The following ANKS1B variants were observed in gnomAD, a reference collection of about 807,000 sequenced individuals.
ANKS1B encodes the protein ankyrin repeat and sterile alpha motif domain-containing protein 1B.
In ANKS1B, 36 loss-of-function variants were observed where a neutral mutation model predicts 148.3. That is an observed-to-expected ratio of 0.24 (90% CI 0.19 to 0.32). The LOEUF (loss-of-function observed/expected upper bound fraction) is 0.32, where lower values mean the gene tolerates loss of function less well. ANKS1B is among the 10% of genes least tolerant of loss of function. The pLI, the probability that ANKS1B is intolerant of heterozygous loss-of-function variation, is 1.00. For missense variants in ANKS1B, 1,157 were observed against 1,542.6 expected, an observed-to-expected ratio of 0.75 and a Z score of 4.19; for synonymous variants, 542 against 560.8, an observed-to-expected ratio of 0.97 and a Z score of 0.47.
chr12:99,909,998 C>A (rs1411355940), intron 1 of ANKS1B, among the ~76,000 whole-genome samples: 1 of 152,016 alleles, frequency 6.6e-6, no homozygotes, highest in African/African-American at 2.4e-5. Context: ...TATTCCATTC[C>A]AAACACAGCA....
intron 12 of ANKS1B, among the ~76,000 whole-genome samples, chr12:99,319,000 T>C (rs1377094890): frequency 1.3e-5 from 2 of 152,262 alleles, no homozygotes; most frequent in Admixed American, 6.5e-5. Context: ...TTTCTTAATC[T>C]TGAGTTCTAG....
At chr12:98,802,594 C>CTTGTTTTTTTTTTT (rs2099013374) in intron 20 of ANKS1B, among the ~76,000 whole-genome samples, 1 of 34,758 alleles carries the variant, frequency 2.9e-5, no homozygotes, top group East Asian at 1.2e-3. Context: ...AATGCACAGG[C>CTTGTTTTTTTTTTT]TTTTTTTTTT....
intron 14 of ANKS1B, among the ~76,000 whole-genome samples, chr12:99,232,021 G>A (rs2086944463): frequency 6.6e-6 from 1 of 152,078 alleles, no homozygotes. Context: ...GCTGCGGTGA[G>A]GGACTCTGAA....
At chr12:99,274,767 T>C (rs189772323) in intron 12 of ANKS1B, among the ~76,000 whole-genome samples, 1 of 152,226 alleles carries the variant, frequency 6.6e-6, no homozygotes, top group Non-Finnish European at 1.5e-5. Flanking sequence ...TATTGTTACA[T>C]AAAATAGTAT....
downstream of ANKS1B, among the ~76,000 whole-genome samples, chr12:98,743,380 A>AATT (rs1324250297): frequency 1.3e-5 from 2 of 152,242 alleles, no homozygotes; most frequent in Non-Finnish European, 2.9e-5. Flanking sequence ...AATAAGAAAC[A>AATT]ATTAAATGGA....
At chr12:99,668,933 CTTTA>C (rs1234300209) in intron 8 of ANKS1B, among the ~76,000 whole-genome samples, 3 of 152,088 alleles carry the variant, frequency 2.0e-5, no homozygotes, top group Admixed American at 6.6e-5. Context: ...ATTGCATCTA[CTTTA>C]TTTTTCATTT....
Position 99,214,233 on chromosome 12 carries a change from A to C in ANKS1B, c.2419+30109T>G, listed in dbSNP as rs577696826. Among the ~76,000 whole-genome samples the C allele has an allele frequency of 7.9e-5, 12 of 152,344 alleles. No homozygotes were observed. In the South Asian group the frequency reaches 1.9e-3, roughly 24 times the overall value. Reference sequence around the variant, plus strand: ...ATGTTTTCCTCTGATGTAGTTTAAAAAAAGTTTAAGCGTACATGGGAAATA... The same window carrying C: ...ATGTTTTCCTCTGATGTAGTTTAAACAAAGTTTAAGCGTACATGGGAAATA... On this transcript the variant is annotated intron_variant, in intron 14 of 26. Transcript: ENST00000683438.
intron 14 of ANKS1B, among the ~76,000 whole-genome samples, chr12:99,158,436 T>C (rs2076301406): frequency 6.6e-6 from 1 of 152,136 alleles, no homozygotes; most frequent in Admixed American, 6.6e-5. Context: ...GCTCAGAGTA[T>C]GTGGTGAAAA....
chr12:99,628,752 G>A (rs952714717), intron 9 of ANKS1B, among the ~76,000 whole-genome samples: 36 of 152,090 alleles, frequency 2.4e-4, no homozygotes, highest in African/African-American at 8.4e-4. Context: ...ATCCCATGGT[G>A]GAAAGCATCA....
rs543909130 is a variant in ANKS1B at position 98,898,267 on chromosome 12, A to T, written c.2779-66131T>A. On this transcript the variant is annotated intron_variant, in intron 17 of 26. Coordinates refer to ENST00000683438, the MANE Select transcript of ANKS1B (RefSeq NM_001352186.2). ...TTACAGTCTGGAAATTAACTTCATC[A>T]TGGCACTAATGAAATTTGGTGATAT... 2.3e-3 allele frequency among the ~76,000 whole-genome samples: 355 copies of T among 152,368 alleles called. 1 individual carries two copies. The highest frequency in any genetic ancestry group is 3.9e-3 in the Non-Finnish European group (263 of 68,034).
intron 8 of ANKS1B, among the ~76,000 whole-genome samples, chr12:99,730,920 T>C (rs1486069532): frequency 6.6e-6 from 1 of 152,118 alleles, no homozygotes; most frequent in African/African-American, 2.4e-5. Context: ...GTTTTTGTTT[T>C]TGTTTTGTTT....
chr12:99,773,031 T>C lies in ANKS1B; in HGVS notation c.1019A>G (p.Glu340Gly), dbSNP rs764566084. ...CAAGTCTTCAAACGAATAATCCTTT[T>C]CTTGACAGAGTTTTATTTCATCCAA... is the stretch of plus-strand genomic sequence containing the variant. ...KLLDEIKLCQ[E>G]KDYSFEDLCH... Residue 340 changes from glutamate (E) to glycine (G), a missense_variant, in exon 8 of 27, where the codon GAA becomes GGA. Physicochemically the swap from Glu to Gly is moderately conservative, Grantham distance 98 (BLOSUM62 -2). Around this residue, in one of 6 missense-constraint regions of ANKS1B, gnomAD observed 661 missense variants for 642.1 expected, o/e 1.03. Coordinates refer to ENST00000683438, the MANE Select transcript of ANKS1B (RefSeq NM_001352186.2). 18 of 1,611,606 alleles carry C rather than the reference T, an allele frequency of 1.1e-5. No individual in the cohort carries two copies. In the South Asian group the frequency reaches 1.9e-4, roughly 17 times the overall value.
intron 9 of ANKS1B, among the ~76,000 whole-genome samples, chr12:99,558,068 C>T (rs150733818): frequency 7.2e-5 from 11 of 152,278 alleles, no homozygotes; most frequent in African/African-American, 9.6e-5. Context: ...CTAGCCACAA[C>T]GCTACAATGG....
intron 3 of ANKS1B, among the ~76,000 whole-genome samples, chr12:99,811,498 C>T (rs1565774264): frequency 6.6e-6 from 1 of 151,764 alleles, no homozygotes; most frequent in East Asian, 1.9e-4. Flanking sequence ...ATCTGTGGTC[C>T]TATCTGTTTA....
chr12:99,601,535 A>G (rs1392108287), intron 9 of ANKS1B, among the ~76,000 whole-genome samples: 1 of 152,084 alleles, frequency 6.6e-6, no homozygotes, highest in African/African-American at 2.4e-5. Context: ...CTTTACACAA[A>G]AAATAATGCA....
At chr12:98,907,826 G>T (rs1011505402) in intron 17 of ANKS1B, among the ~76,000 whole-genome samples, 3 of 152,108 alleles carry the variant, frequency 2.0e-5, no homozygotes, top group Non-Finnish European at 4.4e-5. Context: ...AGTCTCACAA[G>T]ATCTGATGAT....
intron 16 of ANKS1B, among the ~76,000 whole-genome samples, chr12:99,068,706 AG>A (rs2045326428): frequency 3.1e-5 from 1 of 32,074 alleles, no homozygotes; most frequent in Non-Finnish European, 1.1e-4. Flanking sequence ...TGGGGGGCAG[AG>A]AGAGAGAGAG....
intron 15 of ANKS1B, among the ~76,000 whole-genome samples, chr12:99,091,594 GT>G (rs2053999948): frequency 6.6e-6 from 1 of 152,146 alleles, no homozygotes; most frequent in South Asian, 2.1e-4. Context: ...AAAAGTTGAT[GT>G]GAACAAAACT....
chr12:99,554,716 G>T (rs902960663), intron 9 of ANKS1B, among the ~76,000 whole-genome samples: 19 of 152,092 alleles, frequency 1.2e-4, no homozygotes, highest in African/African-American at 4.6e-4. Flanking sequence ...TTTATTTTAG[G>T]TTCAAGGTTA....
Sources: gnomAD v4.1 joint callset for allele counts (sites outside exome capture counted in the v4.1 genomes callset) on GRCh38, gnomAD v4.1.1 for gene constraint, gnomAD v4.1.1 regional missense constraint, MANE v1.5 for transcripts, NCBI Gene and HGNC (gene_info 2026-07-23, HGNC 2026-07-21) for gene names.